The following WNK2 variants were observed in gnomAD, a reference collection of about 807,000 sequenced individuals.
WNK2 encodes serine/threonine-protein kinase WNK2.
WNK2 carries 67 observed loss-of-function variants against 192.1 expected under a neutral mutation model. The observed-to-expected ratio is 0.35, with a 90% CI of 0.29 to 0.43. The LOEUF (loss-of-function observed/expected upper bound fraction) is 0.43. Ranked by LOEUF, WNK2 falls within the 20% of genes least tolerant of loss-of-function variation. The pLI is 1.00. For missense variants in WNK2, 2,698 were observed against 3,089.7 expected (o/e 0.87, Z 3.01); for synonymous variants, 1,439 against 1,393.9 (o/e 1.03, Z -0.72).
At chr9:93,299,399 T>TA (rs374332748) in intron 25 of WNK2, 138 bp downstream of exon 25, 12,647 of 677,258 alleles carry the variant, frequency 0.019, no homozygotes, top group South Asian at 0.025. Context: ...TTAAAAAGGA[T>TA]AAAAAAAAAA....
intron 29 of WNK2, among the ~76,000 whole-genome samples, chr9:93,319,891 C>A (rs184237693): frequency 6.6e-6 from 1 of 152,334 alleles, no homozygotes; most frequent in East Asian, 1.9e-4. Context: ...GACTGTGGTC[C>A]CTCCTGCGTG....
At chr9:93,267,420 C>T (rs1177922750) in intron 16 of WNK2, among the ~76,000 whole-genome samples, 1 of 152,160 alleles carries the variant, frequency 6.6e-6, no homozygotes, top group Non-Finnish European at 1.5e-5. Flanking sequence ...CGTCCTCGGC[C>T]CCCTGCATCC....
chr9:93,193,472 G>C (rs1005441891), intron 2 of WNK2, among the ~76,000 whole-genome samples: 21 of 152,256 alleles, frequency 1.4e-4, no homozygotes, highest in African/African-American at 5.1e-4. Context: ...CGAGCCAGCA[G>C]GTGGAGGCTG....
At chr9:93,203,511 CG>C (rs760504961) in intron 2 of WNK2, among the ~76,000 whole-genome samples, 130 of 152,274 alleles carry the variant, frequency 8.5e-4, no homozygotes, top group Non-Finnish European at 1.3e-3. Flanking sequence ...GGAGTGGCTG[CG>C]GGGTCCAGGC....
At chr9:93,244,167 T>A (rs1406389066) in intron 7 of WNK2, among the ~76,000 whole-genome samples, 1 of 152,248 alleles carries the variant, frequency 6.6e-6, no homozygotes, top group African/African-American at 2.4e-5. Flanking sequence ...GAGACCTCTT[T>A]CTGGAAGGAC....
At chr9:93,217,061 CG>C (rs1835875685) in intron 2 of WNK2, among the ~76,000 whole-genome samples, 2 of 151,660 alleles carry the variant, frequency 1.3e-5, no homozygotes, top group Non-Finnish European at 2.9e-5. Flanking sequence ...CAGGTTCAAG[CG>C]ATTGTCCTGC....
At position 93,293,021 on chromosome 9, in the gene WNK2, G is replaced by C. The variant is rs750758726; in HGVS notation, c.5556G>C (p.Ser1852=). 11 of 1,599,914 alleles carry C rather than the reference G, an allele frequency of 6.9e-6. No individual in the cohort carries two copies. The highest frequency in any genetic ancestry group is 3.3e-4 in the Middle Eastern group (2 of 6,014). The change falls in exon 23 of 30, where the codon TCG becomes TCC. Residue 1852 remains serine (S), a synonymous_variant. Coordinates refer to ENST00000427277, the MANE Select transcript of WNK2 (RefSeq NM_006648.4). ...AFLQRPSRAG[S]LGPETPSRVG... is the part of the protein sequence containing the mutation. ...TGCAGAGGCCTTCTCGGGCCGGCTC[G>C]CTGGGCCCCGAGACACCCAGCAGGG...
rs1312774597 is a variant in WNK2 at position 93,239,674 on chromosome 9, T to C, written c.1323-83T>C. On this transcript the variant is annotated intron_variant, in intron 6 of 29. Coordinates refer to ENST00000427277, the MANE Select transcript of WNK2 (RefSeq NM_006648.4). This position sits in a 1 kb window ranked among gnomAD's most constrained non-coding sequence, Gnocchi z 4.2. ...AGGCTCCTGCAGGTGTGCCTGTCCT[T>C]GTCCTGGTGCGCATGGACACAGGAG... 1.1e-5 allele frequency: 14 copies of C among 1,280,766 alleles called. No individual in the cohort carries two copies. In the African/African-American group the frequency reaches 1.2e-4, roughly 11 times the overall value. The allele number at this position is 1,280,766 out of a possible 1,614,324, so 79.3% of individuals were successfully genotyped here.
In WNK2 at chr9:93,184,944, C is replaced by T; in HGVS notation, c.15C>T (p.Gly5=). Residue 5 remains glycine, a synonymous_variant, in exon 2 of 30, where the codon GGC becomes GGT. Coordinates refer to ENST00000427277, the MANE Select transcript of WNK2 (RefSeq NM_006648.4). ...GGCCCACAGAGATGGACGGCGATGG[C>T]GGCCGCCGAGACGTCCCCGGCACGC... MDGD[G]GRRDVPGTLM... 2.5e-6 allele frequency: 3 copies of T among 1,221,174 alleles called. No individual in the cohort carries two copies. The highest frequency in any genetic ancestry group is 1.0e-6 in the Non-Finnish European group (1 of 982,340). The allele number at this position is 1,221,174 out of a possible 1,614,324, so 75.6% of individuals were successfully genotyped here.
At chr9:93,291,158 A>G (rs3847306) in intron 21 of WNK2, among the ~76,000 whole-genome samples, 147,539 of 152,268 alleles carry the variant, frequency 0.97, 71,496 homozygotes, top group East Asian at 1. Flanking sequence ...AAGCAAGAGC[A>G]TCTTCCCAAA....
In WNK2 at chr9:93,231,842, G is replaced by A. The variant is rs75172184; in HGVS notation, c.1075+734G>A. On this transcript the variant is annotated intron_variant, in intron 4 of 29. Transcript: ENST00000427277. ...TTCTTTGCAGAGACCAGGGGTCTGC[G>A]TTGTGCCATGTACCTGGCCCCAGGT... Among the ~76,000 whole-genome samples, 815 of 152,330 alleles carry A rather than the reference G, an allele frequency of 5.4e-3. 6 individuals carry two copies. Among genetic ancestry groups the A allele is most frequent in the African/African-American group, 0.018 (762 of 41,558 alleles).
intron 2 of WNK2, among the ~76,000 whole-genome samples, chr9:93,194,819 A>C (rs1830939776): frequency 6.6e-6 from 1 of 152,246 alleles, no homozygotes; most frequent in Admixed American, 6.5e-5. Flanking sequence ...GTCCTTCAGC[A>C]GGTGAATGGA....
chr9:93,271,096 A>G (rs1172409011), intron 19 of WNK2, among the ~76,000 whole-genome samples: 1 of 152,188 alleles, frequency 6.6e-6, no homozygotes. Context: ...CCCTAATAGC[A>G]TATAAGAAAC....
chr9:93,290,013 C>T lies in WNK2; in HGVS notation c.4902C>T (p.Ala1634=), dbSNP rs4744216. The change falls in exon 21 of 30, where the codon GCC becomes GCT. Residue 1634 remains alanine (A), a synonymous_variant. Coordinates refer to ENST00000427277, the MANE Select transcript of WNK2 (RefSeq NM_006648.4). ...CAGAACTGGCCCCCACTCGAGGGGCCGTGATGGAGCAGGGCACGTCCTCGT... is the reference window on the plus strand; with the variant it reads ...CAGAACTGGCCCCCACTCGAGGGGCTGTGATGGAGCAGGGCACGTCCTCGT... ...EKSELAPTRG[A]VMEQGTSSSM... 77 of 1,577,660 alleles carry T rather than the reference C, an allele frequency of 4.9e-5. No homozygotes were observed. Among genetic ancestry groups the T allele is most frequent in the Middle Eastern group, 1.7e-4 (1 of 5,810 alleles).
chr9:93,239,807 G>T lies in WNK2; in HGVS notation c.1373G>T (p.Gly458Val). ...CACGCCTTCTTCGCAGAGGACACAG[G>T]CGTGAGGGTGGAGCTCGCGGAGGAG... ...LSHAFFAEDT[G>V]VRVELAEEDH... Residue 458 changes from glycine (G) to valine (V), a missense_variant, in exon 7 of 30, where the codon GGC (glycine) becomes GTC (valine). Physicochemically the swap from Gly to Val is moderately radical, Grantham distance 109 (BLOSUM62 -3). Coordinates refer to ENST00000427277, the MANE Select transcript of WNK2 (RefSeq NM_006648.4). The surrounding 1 kb of genome is among the most constrained non-coding windows in gnomAD (Gnocchi z 4.2). 1 of 1,578,322 alleles carries T rather than the reference G, an allele frequency of 6.3e-7. No individual in the cohort carries two copies. The highest frequency in any genetic ancestry group is 8.6e-7 in the Non-Finnish European group (1 of 1,162,524).
intron 19 of WNK2, among the ~76,000 whole-genome samples, chr9:93,275,188 G>T (rs1462798953): frequency 6.6e-6 from 1 of 152,208 alleles, no homozygotes; most frequent in Non-Finnish European, 1.5e-5. Context: ...AGCAGAATCA[G>T]TTGACTAAAT....
chr9:93,221,615 C>T (rs1355558940), intron 2 of WNK2, among the ~76,000 whole-genome samples: 2 of 152,202 alleles, frequency 1.3e-5, no homozygotes, highest in African/African-American at 2.4e-5. Flanking sequence ...TTAGTTATCC[C>T]TTTGCTTTGG....
chr9:93,219,913 G>A (rs1836512023), intron 2 of WNK2, among the ~76,000 whole-genome samples: 1 of 152,262 alleles, frequency 6.6e-6, no homozygotes, highest in African/African-American at 2.4e-5. Flanking sequence ...GAGAGTGCAG[G>A]CGCATCCAGG....
intron 2 of WNK2, among the ~76,000 whole-genome samples, chr9:93,221,837 G>A (rs1836950625): frequency 6.6e-6 from 1 of 152,168 alleles, no homozygotes; most frequent in African/African-American, 2.4e-5. Flanking sequence ...TTGCGTCCTG[G>A]TTGGAGCTGG....
Sources: allele counts gnomAD v4.1 joint callset (sites outside exome capture counted in the v4.1 genomes callset), GRCh38; gene constraint gnomAD v4.1.1; non-coding constraint Gnocchi (gnomAD v3.1); transcripts MANE v1.5; gene names NCBI Gene and HGNC (gene_info 2026-07-23, HGNC 2026-07-21).